CDKL2: variants seen among roughly 807,000 people sequenced by gnomAD.
The protein encoded by CDKL2 is cyclin-dependent kinase-like 2.
Under a neutral mutation model 63.9 loss-of-function variants are expected in CDKL2, and 64 were observed. That is an observed-to-expected ratio of 1.00 (90% CI 0.82 to 1.23). CDKL2 has a LOEUF of 1.23. Ranked by LOEUF, CDKL2 falls within the 50% of genes most tolerant of loss-of-function variation. CDKL2 has a pLI of 0.00. For missense variants in CDKL2, 656 were observed against 668.0 expected, an observed-to-expected ratio of 0.98 and a Z score of 0.20; for synonymous variants, 211 against 229.2, an observed-to-expected ratio of 0.92 and a Z score of 0.72.
intron 2 of CDKL2, among the ~76,000 whole-genome samples, chr4:75,621,682 C>A (rs995038120): frequency 2.0e-5 from 3 of 152,104 alleles, no homozygotes; most frequent in East Asian, 1.9e-4. Context: ...ACTATAGGCC[C>A]ACGCTATCGC....
chr4:75,600,243 G>C (rs1385531256), intron 7 of CDKL2, 38 bp downstream of exon 7: 2 of 1,334,592 alleles, frequency 1.5e-6, no homozygotes, highest in Non-Finnish European at 2.1e-6. Flanking sequence ...TTTAACCCTA[G>C]GTTGGTATGG....
At chr4:75,603,712 CAAAAAAAA>C in intron 6 of CDKL2, 97 bp downstream of exon 6, 1 of 350,252 alleles carries the variant, frequency 2.9e-6, no homozygotes, top group Non-Finnish European at 4.4e-6. Flanking sequence ...AAGACTCCAT[CAAAAAAAA>C]AAAAAAAAGA....
At position 75,590,693 on chromosome 4, in the gene CDKL2, C is replaced by T. The variant is rs543164971; in HGVS notation, c.1647+1126G>A. Among the ~76,000 whole-genome samples, 37 of 151,910 alleles carry T rather than the reference C, an allele frequency of 2.4e-4. 1 individual carries two copies. Among genetic ancestry groups the T allele is most frequent in the Middle Eastern group, 3.4e-3 (1 of 294 alleles). ...TTGTGCCACTGCACTCCAGCCTGGG[C>T]GACAGAGTGAGACTCTGTCTCAAAA... On this transcript the variant is annotated intron_variant, in intron 12 of 13. Coordinates refer to ENST00000307465, the MANE Select transcript of CDKL2 (RefSeq NM_001330724.2).
chr4:75,592,072 T>C (rs1728739364), intron 11 of CDKL2, 74 bp downstream of exon 11: 10 of 1,415,028 alleles, frequency 7.1e-6, no homozygotes, highest in Non-Finnish European at 8.4e-6. Context: ...TGAATTTTTA[T>C]TTTTAAATTC....
chr4:75,595,988 G>A (rs867063364), intron 10 of CDKL2: 33 of 288,716 alleles, frequency 1.1e-4, no homozygotes, highest in Admixed American at 3.4e-4. Flanking sequence ...AAGGAAGGAA[G>A]GAAGGAAGGA....
At chr4:75,612,565 C>T in intron 3 of CDKL2, among the ~76,000 whole-genome samples, 1 of 152,150 alleles carries the variant, frequency 6.6e-6, no homozygotes, top group East Asian at 1.9e-4. Flanking sequence ...CCAAATATTA[C>T]AGGCCCATTG....
At chr4:75,621,915 T>G (rs544089249) in intron 2 of CDKL2, among the ~76,000 whole-genome samples, 42 of 152,270 alleles carry the variant, frequency 2.8e-4, no homozygotes, top group African/African-American at 8.9e-4. Context: ...CTGCTGACTG[T>G]GAACAATTTT....
chr4:75,621,235 CA>C (rs1730142456), intron 2 of CDKL2, among the ~76,000 whole-genome samples: 3 of 140,210 alleles, frequency 2.1e-5, no homozygotes, highest in Non-Finnish European at 3.0e-5. Flanking sequence ...CCATGCCCAG[CA>C]TTTTTTTAAA....
At chr4:75,586,392 AT>A (rs1167925797) in intron 12 of CDKL2, among the ~76,000 whole-genome samples, 1 of 151,402 alleles carries the variant, frequency 6.6e-6, no homozygotes, top group Non-Finnish European at 1.5e-5. Context: ...CGCCCAGCTA[AT>A]TTTTTTGTAT....
At chr4:75,627,731 C>CTTTTTTT (rs57328528) in intron 1 of CDKL2, among the ~76,000 whole-genome samples, 11 of 85,976 alleles carry the variant, frequency 1.3e-4, no homozygotes, top group Non-Finnish European at 2.1e-4. Flanking sequence ...CTTTTTTTTT[C>CTTTTTTT]TTTTTTTTTT....
intron 2 of CDKL2, among the ~76,000 whole-genome samples, chr4:75,620,202 T>C (rs564618851): frequency 9.9e-5 from 15 of 152,022 alleles, no homozygotes; most frequent in Non-Finnish European, 2.1e-4. Flanking sequence ...TAAAAAATAA[T>C]AATAATGATA....
At position 75,607,353 on chromosome 4, in the gene CDKL2, G is replaced by C. The variant is rs778724792; in HGVS notation, c.372C>G (p.His124Gln). Residue 124 changes from histidine to glutamine, a missense_variant, in exon 4 of 14, where the codon CAC (histidine) becomes CAG (glutamine). By Grantham distance (24) the His-to-Gln change is conservative (BLOSUM62 0). Transcript: ENST00000307465. ...ATATATTCTCTGGCTTTATATCTCTGTGTATGATCTAGACAAGAAGCAGAG... is the reference window on the plus strand; with the variant it reads ...ATATATTCTCTGGCTTTATATCTCTCTGTATGATCTAGACAAGAAGCAGAG... ...IGFCHSHNIIHRDIKPENILV... is the reference protein window; with the variant it reads ...IGFCHSHNIIQRDIKPENILV... 8.7e-6 allele frequency: 14 copies of C among 1,612,194 alleles called. No homozygotes were observed. The Admixed American group carries it at 1.2e-4, about 13-fold the overall frequency.
At chr4:75,606,758 A>C (rs898092188) in intron 4 of CDKL2, among the ~76,000 whole-genome samples, 2 of 152,256 alleles carry the variant, frequency 1.3e-5, no homozygotes. Flanking sequence ...TTCAATCAAA[A>C]GCAGTAAAAG....
chr4:75,586,014 C>A (rs1728462481), intron 12 of CDKL2, among the ~76,000 whole-genome samples: 1 of 151,996 alleles, frequency 6.6e-6, no homozygotes, highest in Admixed American at 6.6e-5. Context: ...CCAAGATAGA[C>A]CGTAGACCAT....
At chr4:75,624,811 T>G (rs749013064) in intron 2 of CDKL2, among the ~76,000 whole-genome samples, 1 of 148,580 alleles carries the variant, frequency 6.7e-6, no homozygotes, top group South Asian at 2.1e-4. Flanking sequence ...TGAACTGAGA[T>G]AGCACCATTG....
chr4:75,602,028 A>G (rs1346971382), intron 6 of CDKL2, among the ~76,000 whole-genome samples: 1 of 152,224 alleles, frequency 6.6e-6, no homozygotes, highest in Non-Finnish European at 1.5e-5. Flanking sequence ...ATAGAATGAA[A>G]ACCTAACATC....
chr4:75,601,071 A>C lies in CDKL2; in HGVS notation c.796-702T>G, dbSNP rs182632150. 1.4e-3 allele frequency among the ~76,000 whole-genome samples: 219 copies of C among 152,360 alleles called. 1 individual carries two copies. Among genetic ancestry groups the C allele is most frequent in the African/African-American group, 5.0e-3 (210 of 41,588 alleles). The stretch of plus-strand genomic sequence containing the variant: ...ATTGCAAGATTTAAACAAAAAAGAA[A>C]GAGATGAAGAGAAGCTTATAAATAA... On this transcript the variant is annotated intron_variant, in intron 6 of 13. Transcript: ENST00000307465.
In CDKL2 at chr4:75,577,878, T is replaced by C. The variant is rs1728089160; in HGVS notation, c.*1324A>G. 1 of 152,360 alleles carries C rather than the reference T, an allele frequency of 6.6e-6. No individual in the cohort carries two copies. The highest frequency in any genetic ancestry group is 2.1e-4 in the South Asian group (1 of 4,816). The allele number at this position is 152,360 out of a possible 1,614,324, so 9.4% of individuals were successfully genotyped here. A position where few individuals can be genotyped will look rare whatever the true frequency, so the allele number is the denominator to read the frequency against. On this transcript the variant is annotated 3_prime_UTR_variant, in exon 14 of 14. Coordinates refer to ENST00000307465, the MANE Select transcript of CDKL2 (RefSeq NM_001330724.2). ...TCTTTTGAGGCTTAAATATCCAAGG[T>C]CAGAATTTCAGTATTAAGCTCCTCA... is the stretch of plus-strand genomic sequence containing the variant.
At chr4:75,620,844 A>G (rs1016536590) in intron 2 of CDKL2, among the ~76,000 whole-genome samples, 2 of 152,194 alleles carry the variant, frequency 1.3e-5, no homozygotes, top group Non-Finnish European at 2.9e-5. Context: ...AAAGTCCTCA[A>G]GCTATCAGTA....
Sources: gnomAD v4.1 joint callset for allele counts (sites outside exome capture counted in the v4.1 genomes callset) on GRCh38, gnomAD v4.1.1 for gene constraint, MANE v1.5 for transcripts, NCBI Gene and HGNC (gene_info 2026-07-23, HGNC 2026-07-21) for gene names.